The following DGKB variants were observed in gnomAD, a reference collection of about 807,000 sequenced individuals.
The protein encoded by DGKB is 90 kDa diacylglycerol kinase.
In DGKB, 67 loss-of-function variants were observed where a neutral mutation model predicts 114.3. That is an observed-to-expected ratio of 0.59 (90% CI 0.48 to 0.72). DGKB has a LOEUF of 0.72. Ranked by LOEUF, DGKB falls within the 30% of genes least tolerant of loss-of-function variation. The pLI, the probability that DGKB is intolerant of heterozygous loss-of-function variation, is 0.00. For synonymous variants in DGKB, 398 were observed against 323.1 expected (o/e 1.23, Z -2.49); for missense variants, 907 against 975.2 (o/e 0.93, Z 0.93).
intron 2 of DGKB, among the ~76,000 whole-genome samples, chr7:14,765,700 C>T (rs1287694473): frequency 2.0e-5 from 3 of 151,928 alleles, no homozygotes; most frequent in South Asian, 2.1e-4. Context: ...CACCTTTATA[C>T]GTATTTTATT....
chr7:14,468,678 A>T (rs1421798953), intron 21 of DGKB, among the ~76,000 whole-genome samples: 1 of 149,958 alleles, frequency 6.7e-6, no homozygotes, highest in East Asian at 2.0e-4. Context: ...GTAGGCATAC[A>T]AGCTACAACA....
chr7:14,784,145 A>T (rs1410122178), intron 2 of DGKB, among the ~76,000 whole-genome samples: 1 of 151,928 alleles, frequency 6.6e-6, no homozygotes. Flanking sequence ...TATGATATAT[A>T]TTGCCTTTTT....
At chr7:14,701,815 G>A in intron 6 of DGKB, 85 bp from the exon 7 acceptor site, 1 of 931,448 alleles carries the variant, frequency 1.1e-6, no homozygotes, top group Non-Finnish European at 1.7e-6. Context: ...AATTTAGTTT[G>A]TGTTGAAAAC....
chr7:14,544,551 G>T (rs779679556), intron 20 of DGKB, among the ~76,000 whole-genome samples: 32 of 152,114 alleles, frequency 2.1e-4, no homozygotes, highest in South Asian at 8.3e-4. Context: ...AAATGTCAAT[G>T]ACATCTCCTT....
At chr7:14,909,426 G>A (rs984882926) in intron 1 of DGKB, among the ~76,000 whole-genome samples, 4 of 151,698 alleles carry the variant, frequency 2.6e-5, no homozygotes, top group East Asian at 1.9e-4. Flanking sequence ...TATTATGCAC[G>A]CACTATATTA....
intron 21 of DGKB, among the ~76,000 whole-genome samples, chr7:14,349,865 G>A (rs772291468): frequency 7.9e-5 from 12 of 152,034 alleles, no homozygotes; most frequent in Non-Finnish European, 1.2e-4. Flanking sequence ...CATAGCTTTG[G>A]ACTTTAAGAA....
chr7:14,453,009 G>A (rs1398971455), intron 21 of DGKB, among the ~76,000 whole-genome samples: 1 of 152,124 alleles, frequency 6.6e-6, no homozygotes, highest in African/African-American at 2.4e-5. Context: ...TTGTAACGTG[G>A]TCCATGACTG....
At chr7:14,750,817 C>G (rs10278278) in intron 4 of DGKB, among the ~76,000 whole-genome samples, 6 of 62,664 alleles carry the variant, frequency 9.6e-5, no homozygotes, top group South Asian at 1.1e-3. Context: ...TTTTTTTTTT[C>G]TGAGACAGAG....
chr7:14,335,230 C>A (rs1001917812), intron 23 of DGKB, among the ~76,000 whole-genome samples: 1 of 152,056 alleles, frequency 6.6e-6, no homozygotes, highest in African/African-American at 2.4e-5. Flanking sequence ...ATGCTCCAAA[C>A]CTGATCTCAT....
intron 21 of DGKB, among the ~76,000 whole-genome samples, chr7:14,416,776 G>A (rs1825791622): frequency 6.6e-6 from 1 of 152,042 alleles, no homozygotes; most frequent in Non-Finnish European, 1.5e-5. Flanking sequence ...GTCTTTATCA[G>A]CAGTGTGAAA....
intron 8 of DGKB, among the ~76,000 whole-genome samples, chr7:14,697,768 G>GAAAC (rs773024771): frequency 2.5e-5 from 3 of 121,432 alleles, no homozygotes; most frequent in Admixed American, 1.7e-4. Flanking sequence ...AAGAAAGAAA[G>GAAAC]AAACAAAGAG....
intron 23 of DGKB, among the ~76,000 whole-genome samples, chr7:14,179,463 A>T (rs1195017217): frequency 6.6e-6 from 1 of 152,236 alleles, no homozygotes; most frequent in Non-Finnish European, 1.5e-5. Flanking sequence ...TTATTATACA[A>T]GAAAGCCATG....
intron 23 of DGKB, among the ~76,000 whole-genome samples, chr7:14,273,282 G>C (rs1798526105): frequency 6.6e-6 from 1 of 152,136 alleles, no homozygotes; most frequent in Non-Finnish European, 1.5e-5. Flanking sequence ...GGAGGTGGAG[G>C]TTGTAGTGAG....
In DGKB at chr7:14,607,445, TC is replaced by T; in HGVS notation, c.1421del (p.Gly474AspfsTer6). On this transcript the variant is annotated frameshift_variant, in exon 17 of 26. Coordinates refer to ENST00000402815, the MANE Select transcript of DGKB (RefSeq NM_001350709.2). LOFTEE classifies it high-confidence loss of function. Reference sequence around the variant, plus strand: ...ATCCTTGGACTTACCCTGGCATTGGTCCATTTCCAGAAAGACTGTAAACCTG... The same window carrying T: ...ATCCTTGGACTTACCCTGGCATTGGTCATTTCCAGAAAGACTGTAAACCTG... ...PRQVYSLSGN[G>X]PMPGLNFFRD... 6.4e-7 allele frequency: 1 copy of T among 1,552,724 alleles called. No homozygotes were observed. The highest frequency in any genetic ancestry group is 8.9e-7 in the Non-Finnish European group (1 of 1,126,240).
intron 20 of DGKB, among the ~76,000 whole-genome samples, chr7:14,539,528 G>A (rs1793072172): frequency 6.6e-6 from 1 of 152,102 alleles, no homozygotes; most frequent in Admixed American, 6.6e-5. Flanking sequence ...TAATCATGTG[G>A]TATGCAAATT....
chr7:14,466,243 G>C (rs568760219), intron 21 of DGKB, among the ~76,000 whole-genome samples: 1 of 152,142 alleles, frequency 6.6e-6, no homozygotes, highest in Non-Finnish European at 1.5e-5. Flanking sequence ...TTGATCAACA[G>C]AGCTTTGGAC....
chr7:14,729,005 C>A (rs889568140), intron 5 of DGKB, among the ~76,000 whole-genome samples: 2 of 151,660 alleles, frequency 1.3e-5, no homozygotes, highest in African/African-American at 4.8e-5. Flanking sequence ...AAGGCTCCAG[C>A]CTCTTTTTGT....
chr7:14,964,994 T>C (rs1218012189), intron 1 of DGKB, among the ~76,000 whole-genome samples: 2 of 152,172 alleles, frequency 1.3e-5, no homozygotes, highest in African/African-American at 4.8e-5. Flanking sequence ...ATCTGAGTAG[T>C]GAAAAAAGCA....
chr7:14,940,422 T>C (rs7779561), intron 1 of DGKB, among the ~76,000 whole-genome samples: 21,685 of 152,064 alleles, frequency 0.14, 1,622 homozygotes, highest in Admixed American at 0.2. Context: ...TTTTGTACTA[T>C]AATTCTGCTG....
Sources: allele counts gnomAD v4.1 joint callset (sites outside exome capture counted in the v4.1 genomes callset), GRCh38; gene constraint gnomAD v4.1.1; transcripts MANE v1.5; gene names NCBI Gene and HGNC (gene_info 2026-07-23, HGNC 2026-07-21).